Variants in S100PBP observed in about 807,000 individuals in gnomAD.
The protein encoded by S100PBP is S100P binding protein, also known as S100P-binding protein.
S100PBP carries 15 observed loss-of-function variants against 39.9 expected under a neutral mutation model. The ratio of observed to expected loss-of-function variants is 0.38; its 90% CI spans 0.25 to 0.58. S100PBP has a LOEUF of 0.58. Among genes scored for constraint, S100PBP ranks in the 20% least tolerant of loss-of-function variants. The pLI, the probability that S100PBP is intolerant of heterozygous loss-of-function variation, is 0.70. For missense variants in S100PBP, 504 were observed against 487.3 expected, an observed-to-expected ratio of 1.03 and a Z score of -0.32; for synonymous variants, 178 against 180.3, an observed-to-expected ratio of 0.99 and a Z score of 0.10.
At chr1:32,839,529 T>C (rs576132637) in intron 5 of S100PBP, among the ~76,000 whole-genome samples, 12 of 152,278 alleles carry the variant, frequency 7.9e-5, no homozygotes, top group African/African-American at 2.9e-4. Context: ...GCTAATTCTA[T>C]TTTTATTTTT....
At chr1:32,817,436 C>T (rs1332033221), upstream of S100PBP, 10 of 673,578 alleles carry the variant, frequency 1.5e-5, no homozygotes, top group Admixed American at 2.3e-4. Flanking sequence ...GAGAGTCGAG[C>T]AGGTCGATGA....
chr1:32,837,672 C>T (rs549317898), intron 5 of S100PBP, among the ~76,000 whole-genome samples: 1 of 151,480 alleles, frequency 6.6e-6, no homozygotes, highest in African/African-American at 2.4e-5. Flanking sequence ...AATCCCCAGG[C>T]AAGATTGACC....
At position 32,856,564 on chromosome 1, in the gene S100PBP, A is replaced by C. The variant is rs1235797955; in HGVS notation, c.*526A>C. On this transcript the variant is annotated 3_prime_UTR_variant, in exon 7 of 7. Transcript: ENST00000373475. ...ACCTGTCAGTATTTTAAAGTTGGCA[A>C]TCCAGGACATTATAAGTAGGATGGA... 1 of 152,884 alleles carries C rather than the reference A, an allele frequency of 6.5e-6. No individual in the cohort carries two copies. Among genetic ancestry groups the C allele is most frequent in the East Asian group, 1.9e-4 (1 of 5,216 alleles). The allele number at this position is 152,884 out of a possible 1,614,324, so 9.5% of individuals were successfully genotyped here. A position where few individuals can be genotyped will look rare whatever the true frequency, so the allele number is the denominator to read the frequency against.
At chr1:32,840,169 A>G (rs1040938632) in intron 5 of S100PBP, among the ~76,000 whole-genome samples, 2 of 152,048 alleles carry the variant, frequency 1.3e-5, no homozygotes, top group Non-Finnish European at 2.9e-5. Flanking sequence ...TATTTTTAGT[A>G]GAGGTGGGGT....
chr1:32,829,132 T>A (rs1291504323), intron 4 of S100PBP, among the ~76,000 whole-genome samples: 2 of 152,244 alleles, frequency 1.3e-5, no homozygotes, highest in African/African-American at 2.4e-5. Context: ...ACAATGTAAG[T>A]GATAATCAAA....
Position 32,826,724 on chromosome 1 carries a change from G to A in S100PBP, c.625G>A (p.Gly209Arg). 6.2e-7 allele frequency: 1 copy of A among 1,614,102 alleles called. No individual in the cohort carries two copies. The highest frequency in any genetic ancestry group is 8.5e-7 in the Non-Finnish European group (1 of 1,180,000). Residue 209 changes from glycine to arginine, a missense_variant, in exon 3 of 7, where the codon GGG becomes AGG. By Grantham distance (125) the Gly-to-Arg change is moderately radical (BLOSUM62 -2). Transcript: ENST00000373475. ...GISPNNSAWN[G>R]PQLSSSNNNF... The stretch of plus-strand genomic sequence containing the variant: ...CAGCCCCAATAACTCTGCCTGGAAT[G>A]GGCCCCAGCTCTCTTCTTCAAACAA...
At chr1:32,822,704 CTA>C (rs1639138390) in intron 1 of S100PBP, among the ~76,000 whole-genome samples, 1 of 151,460 alleles carries the variant, frequency 6.6e-6, no homozygotes, top group Non-Finnish European at 1.5e-5. Flanking sequence ...CTCCTCCTCT[CTA>C]TATATACCAT....
At chr1:32,824,210 A>G (rs2148638552) in intron 1 of S100PBP, among the ~76,000 whole-genome samples, 1 of 152,048 alleles carries the variant, frequency 6.6e-6, no homozygotes, top group South Asian at 2.1e-4. Context: ...CGTCTCAAAA[A>G]AAAAAAAAAA....
At position 32,853,140 on chromosome 1, in the gene S100PBP, G is replaced by T. The variant is rs377435118; in HGVS notation, c.1086G>T (p.Trp362Cys). The T allele has an allele frequency of 6.2e-7, 1 of 1,612,796 alleles. No individual in the cohort carries two copies. Among genetic ancestry groups the T allele is most frequent in the Non-Finnish European group, 8.5e-7 (1 of 1,179,764 alleles). ...DQVHHMQHSKWQHPSDLTTRN... is the reference protein window; with the variant it reads ...DQVHHMQHSKCQHPSDLTTRN... ...TTCATCATATGCAGCACTCAAAATG[G>T]CAGCATCCTTCGGACCTCACCACGC... The change falls in exon 6 of 7, where the codon TGG becomes TGT. Residue 362 changes from tryptophan (W) to cysteine (C), a missense_variant. Transcript: ENST00000373475.
intron 5 of S100PBP, chr1:32,836,604 T>C: frequency 3.1e-6 from 3 of 978,806 alleles, no homozygotes; most frequent in Non-Finnish European, 3.6e-6. Flanking sequence ...GTTAATTGCT[T>C]CAGTTTCTTT....
intron 3 of S100PBP, among the ~76,000 whole-genome samples, chr1:32,827,727 CG>C (rs898098043): frequency 4.6e-4 from 70 of 151,820 alleles, no homozygotes; most frequent in African/African-American, 1.6e-3. Flanking sequence ...GTGATCCACC[CG>C]CCTTGGCCTC....
At chr1:32,837,630 A>T (rs556325862) in intron 5 of S100PBP, among the ~76,000 whole-genome samples, 2 of 151,030 alleles carry the variant, frequency 1.3e-5, no homozygotes, top group South Asian at 4.2e-4. Flanking sequence ...CACCTTTGTA[A>T]TTCCTCCCTT....
At chr1:32,853,335 G>A (rs188087078) in intron 6 of S100PBP, among the ~76,000 whole-genome samples, 169 bp downstream of exon 6, 28 of 151,342 alleles carry the variant, frequency 1.9e-4, no homozygotes, top group African/African-American at 6.5e-4. Flanking sequence ...TTAGCTGGGT[G>A]TGGTGGCAAG....
In S100PBP at chr1:32,827,993, C is replaced by G; in HGVS notation, c.832C>G (p.Gln278Glu). 1.2e-6 allele frequency: 2 copies of G among 1,603,466 alleles called. No homozygotes were observed. Among genetic ancestry groups the G allele is most frequent in the Non-Finnish European group, 1.7e-6 (2 of 1,171,860 alleles). The change falls in exon 4 of 7, where the codon CAG becomes GAG. Residue 278 changes from glutamine (Q) to glutamate (E), a missense_variant and splice_region_variant. Physicochemically the swap from Gln to Glu is conservative, Grantham distance 29 (BLOSUM62 2). Transcript: ENST00000373475. ...TTTGCATTCCTTTTCCTCAAAAAAG[C>G]AGGATGTTCTTAACAAGGATTCTGG... ...SLVVSTSSNKQDVLNKDSGKM... is the reference protein window; with the variant it reads ...SLVVSTSSNKEDVLNKDSGKM...
chr1:32,830,261 T>C (rs1442013516), intron 5 of S100PBP, among the ~76,000 whole-genome samples, 194 bp downstream of exon 5: 1 of 152,220 alleles, frequency 6.6e-6, no homozygotes, highest in Non-Finnish European at 1.5e-5. Flanking sequence ...TAACCAGTTT[T>C]AGAGAGGGAT....
intron 1 of S100PBP, among the ~76,000 whole-genome samples, chr1:32,819,437 C>T (rs1357397034): frequency 2.0e-5 from 3 of 152,062 alleles, no homozygotes; most frequent in Non-Finnish European, 4.4e-5. Context: ...GCATGGTGGA[C>T]GCCTGTAATC....
intron 5 of S100PBP, among the ~76,000 whole-genome samples, chr1:32,842,236 T>TATATACACACACAC (rs372174677): frequency 6.2e-4 from 50 of 80,852 alleles, no homozygotes; most frequent in African/African-American, 2.1e-3. Context: ...TATATATATA[T>TATATACACACACAC]ACACACACAC....
At chr1:32,852,784 T>G (rs1640665413) in intron 5 of S100PBP, 2 of 288,124 alleles carry the variant, frequency 6.9e-6, no homozygotes, top group Non-Finnish European at 1.3e-5. Flanking sequence ...TAAACTTCAT[T>G]GAGGTAGTGT....
Position 32,830,100 on chromosome 1 carries a change from CAT to C in S100PBP, c.1024+34_1024+35del, listed in dbSNP as rs771112109. ...GGTACCCAGAGAAAGGCATATAAAA[CAT>C]GTGATGTGACTTTCTCTTTCCGGTG... On this transcript the variant is annotated intron_variant, in intron 5 of 6. Transcript: ENST00000373475. 7 of 1,302,508 alleles carry C rather than the reference CAT, an allele frequency of 5.4e-6. No individual in the cohort carries two copies. In the African/African-American group the frequency reaches 1.0e-4, roughly 19 times the overall value. 80.7% of individuals were successfully genotyped at this position (1,302,508 alleles called of 1,614,324 possible).
Sources: allele counts gnomAD v4.1 joint callset (sites outside exome capture counted in the v4.1 genomes callset), GRCh38; gene constraint gnomAD v4.1.1; transcripts MANE v1.5; gene names NCBI Gene and HGNC (gene_info 2026-07-23, HGNC 2026-07-21).